Variants in PIGK observed in about 807,000 individuals in gnomAD.
PIGK encodes GPI-anchor transamidase.
Under a neutral mutation model 50.6 loss-of-function variants are expected in PIGK, and 42 were observed. The ratio of observed to expected loss-of-function variants is 0.83; its 90% CI spans 0.65 to 1.07. The LOEUF (loss-of-function observed/expected upper bound fraction) is 1.07, where lower values mean the gene tolerates loss of function less well. Ranked by LOEUF, PIGK falls within the 50% of genes least tolerant of loss-of-function variation. PIGK has a pLI of 0.00. For synonymous variants in PIGK, 151 were observed against 156.0 expected, an observed-to-expected ratio of 0.97 and a Z score of 0.24; for missense variants, 448 against 488.7, an observed-to-expected ratio of 0.92 and a Z score of 0.78.
intron 8 of PIGK, among the ~76,000 whole-genome samples, chr1:77,158,912 T>A (rs1295540980): frequency 6.6e-6 from 1 of 152,180 alleles, no homozygotes; most frequent in Non-Finnish European, 1.5e-5. Context: ...AAAACCCATT[T>A]TCTGAGGAGA....
At chr1:77,182,265 G>A (rs1655632785) in intron 3 of PIGK, among the ~76,000 whole-genome samples, 2 of 152,174 alleles carry the variant, frequency 1.3e-5, no homozygotes, top group South Asian at 4.1e-4. Context: ...AACTTGATTA[G>A]ATTGCGCAAG....
chr1:77,147,444 G>A (rs1328117581), intron 9 of PIGK, among the ~76,000 whole-genome samples: 2 of 152,104 alleles, frequency 1.3e-5, no homozygotes, highest in Non-Finnish European at 2.9e-5. Context: ...TAACATAAGA[G>A]GTGAGTGTTT....
intron 10 of PIGK, among the ~76,000 whole-genome samples, chr1:77,103,456 A>G (rs1653594345): frequency 6.6e-6 from 1 of 152,206 alleles, no homozygotes; most frequent in African/African-American, 2.4e-5. Context: ...CCTATGACAA[A>G]TTAAATGCTA....
chr1:77,174,480 C>T (rs1655436705), intron 3 of PIGK, among the ~76,000 whole-genome samples: 1 of 152,126 alleles, frequency 6.6e-6, no homozygotes, highest in South Asian at 2.1e-4. Flanking sequence ...TCTGATGTTT[C>T]CGACTTTGGG....
chr1:77,119,574 GA>G (rs1269110290), intron 10 of PIGK, among the ~76,000 whole-genome samples: 12 of 152,154 alleles, frequency 7.9e-5, no homozygotes, highest in Non-Finnish European at 1.3e-4. Context: ...AGGATGGCTA[GA>G]AAAATGGTAA....
intron 6 of PIGK, among the ~76,000 whole-genome samples, chr1:77,162,000 A>T (rs530448256): frequency 5.3e-5 from 8 of 152,324 alleles, no homozygotes; most frequent in Admixed American, 5.2e-4. Context: ...TCCATTCAAC[A>T]AGCACTTATT....
chr1:77,135,030 T>G (rs1654467897), intron 9 of PIGK, among the ~76,000 whole-genome samples: 2 of 152,278 alleles, frequency 1.3e-5, no homozygotes, highest in Middle Eastern at 3.4e-3. Context: ...CTTACTCTTT[T>G]GGCCTAGTAT....
chr1:77,136,304 C>T (rs1003505226), intron 9 of PIGK, among the ~76,000 whole-genome samples: 18 of 151,724 alleles, frequency 1.2e-4, no homozygotes, highest in African/African-American at 3.9e-4. Flanking sequence ...CCGAGGCGGG[C>T]GGATCACGAG....
In PIGK at chr1:77,161,386, ATTGCAGGATCAGG is replaced by A. The variant is rs1370114286; in HGVS notation, c.709_721del (p.Pro237LeufsTer28). 9.4e-6 allele frequency: 15 copies of A among 1,592,354 alleles called. No individual in the cohort carries two copies. Among genetic ancestry groups the A allele is most frequent in the Non-Finnish European group, 1.3e-5 (15 of 1,160,310 alleles). On this transcript the variant is annotated frameshift_variant, in exon 8 of 11. Coordinates refer to ENST00000370812, the MANE Select transcript of PIGK (RefSeq NM_005482.3). LOFTEE classifies it high-confidence loss of function. ...GTATCTATCCATAAGATGGACTCCAATTGCAGGATCAGGTTGATGCTATGGAAAGGGGGAAAAA... is the reference window on the plus strand; with the variant it reads ...GTATCTATCCATAAGATGGACTCCAATTGATGCTATGGAAAGGGGGAAAAA...
intron 3 of PIGK, among the ~76,000 whole-genome samples, chr1:77,187,284 T>TCC (rs1414361272): frequency 1.3e-5 from 2 of 152,114 alleles, no homozygotes; most frequent in Non-Finnish European, 2.9e-5. Context: ...TATGGTACTG[T>TCC]TTCTCCCATA....
chr1:77,120,416 T>C (rs967167667), intron 10 of PIGK, among the ~76,000 whole-genome samples: 1 of 152,104 alleles, frequency 6.6e-6, no homozygotes, highest in Non-Finnish European at 1.5e-5. Flanking sequence ...CATAGGGTTT[T>C]GTTATGTTGC....
chr1:77,204,193 C>G (rs964507006), intron 3 of PIGK, among the ~76,000 whole-genome samples: 1 of 152,048 alleles, frequency 6.6e-6, no homozygotes, highest in African/African-American at 2.4e-5. Context: ...AGAATGCATT[C>G]CTAGGGAGAG....
intron 8 of PIGK, among the ~76,000 whole-genome samples, chr1:77,155,898 C>T (rs1423267951): frequency 6.6e-6 from 1 of 152,042 alleles, no homozygotes; most frequent in East Asian, 1.9e-4. Context: ...AAGCAGTTTG[C>T]AGATATTCTC....
chr1:77,094,064 A>G (rs1276951125), intron 10 of PIGK, among the ~76,000 whole-genome samples: 1 of 152,206 alleles, frequency 6.6e-6, no homozygotes, highest in African/African-American at 2.4e-5. Flanking sequence ...ACTACTGCTC[A>G]GTTTTTGTCC....
In PIGK at chr1:77,154,615, C is replaced by G; in HGVS notation, c.820G>C (p.Val274Leu). The G allele has an allele frequency of 6.2e-7, 1 of 1,603,604 alleles. No homozygotes were observed. Among genetic ancestry groups the G allele is most frequent in the African/African-American group, 1.3e-5 (1 of 74,578 alleles). ...GACACACACAGACTTTTGGGACATA[C>G]CTGAAACTGAAAAAATATATAATAA... Reference protein sequence around the residue: ...SQTNMNDLFQVCPKSLCVSTP... With the variant: ...SQTNMNDLFQLCPKSLCVSTP... The change falls in exon 9 of 11, where the codon GTA (valine) becomes CTA (leucine). Residue 274 changes from valine to leucine, a missense_variant. Val to Leu is a conservative substitution (Grantham distance 32). Transcript: ENST00000370812.
At chr1:77,139,217 A>G (rs1318145802) in intron 9 of PIGK, among the ~76,000 whole-genome samples, 1 of 152,012 alleles carries the variant, frequency 6.6e-6, no homozygotes, top group African/African-American at 2.4e-5. Context: ...CTTGAGTTTT[A>G]GCGTCTATGT....
At chr1:77,169,213 A>C (rs1655300719) in intron 4 of PIGK, 47 bp downstream of exon 4, 2 of 1,295,200 alleles carry the variant, frequency 1.5e-6, no homozygotes, top group Admixed American at 2.6e-5. Flanking sequence ...TTAGAGCCTA[A>C]AAGTAACAAT....
chr1:77,189,974 A>G (rs1421358764), intron 3 of PIGK, among the ~76,000 whole-genome samples: 1 of 151,894 alleles, frequency 6.6e-6, no homozygotes, highest in Non-Finnish European at 1.5e-5. Context: ...AAGCACACAC[A>G]TGCCCCAGGT....
intron 1 of PIGK, among the ~76,000 whole-genome samples, chr1:77,216,864 C>T (rs1320479842): frequency 6.6e-6 from 1 of 152,126 alleles, no homozygotes; most frequent in Non-Finnish European, 1.5e-5. Flanking sequence ...GTTCTTACTT[C>T]TTTCAGACCT....
Sources: gnomAD v4.1 joint callset for allele counts (sites outside exome capture counted in the v4.1 genomes callset) on GRCh38, gnomAD v4.1.1 for gene constraint, MANE v1.5 for transcripts, NCBI Gene and HGNC (gene_info 2026-07-23, HGNC 2026-07-21) for gene names.